Variants in ROBO1 observed in about 807,000 individuals in gnomAD.
ROBO1 encodes roundabout guidance receptor 1, also known as roundabout homolog 1.
ROBO1 carries 149 observed loss-of-function variants against 195.9 expected under a neutral mutation model. That is an observed-to-expected ratio of 0.76 (90% CI 0.67 to 0.87). ROBO1 has a LOEUF of 0.87. Ranked by LOEUF, ROBO1 falls within the 40% of genes least tolerant of loss-of-function variation. The probability of loss-of-function intolerance (pLI) is 0.00; values close to 1 mark genes in which losing one functional copy is unlikely to be tolerated. For missense variants in ROBO1, 1,933 were observed against 2,068.3 expected, an observed-to-expected ratio of 0.93 and a Z score of 1.27; for synonymous variants, 816 against 733.2, an observed-to-expected ratio of 1.11 and a Z score of -1.82.
intron 4 of ROBO1, among the ~76,000 whole-genome samples, chr3:78,832,718 G>A (rs1398707160): frequency 6.6e-6 from 1 of 152,100 alleles, no homozygotes; most frequent in Non-Finnish European, 1.5e-5. Flanking sequence ...GGTTAGGCAG[G>A]AAACTAGGTG....
chr3:79,500,679 G>A (rs1464885410), intron 2 of ROBO1, among the ~76,000 whole-genome samples: 1 of 152,164 alleles, frequency 6.6e-6, no homozygotes, highest in Non-Finnish European at 1.5e-5. Flanking sequence ...AGTTGAGGAG[G>A]ACAGAAAGGA....
intron 4 of ROBO1, among the ~76,000 whole-genome samples, chr3:78,878,570 T>G (rs2035987913): frequency 2.8e-5 from 2 of 70,952 alleles, no homozygotes; most frequent in Admixed American, 2.0e-4. Flanking sequence ...GGCAAAAGAG[T>G]GAAACCCCAT....
At chr3:78,778,569 T>C (rs374467876) in intron 4 of ROBO1, among the ~76,000 whole-genome samples, 5 of 152,090 alleles carry the variant, frequency 3.3e-5, no homozygotes, top group African/African-American at 1.2e-4. Context: ...ACAAGGGACA[T>C]GAAGGACCTC....
At chr3:79,546,159 T>G (rs966794069) in intron 2 of ROBO1, among the ~76,000 whole-genome samples, 1 of 152,136 alleles carries the variant, frequency 6.6e-6, no homozygotes, top group South Asian at 2.1e-4. Flanking sequence ...TAATAGTAAT[T>G]TAATGTATAG....
chr3:79,557,731 A>AAAAAT (rs1942754895), intron 2 of ROBO1, among the ~76,000 whole-genome samples: 1 of 87,810 alleles, frequency 1.1e-5, no homozygotes, highest in Admixed American at 9.9e-5. Flanking sequence ...AGACTGTCTT[A>AAAAAT]AAACAAAAAA....
chr3:79,215,590 C>T (rs533723681), intron 2 of ROBO1, among the ~76,000 whole-genome samples: 3 of 152,304 alleles, frequency 2.0e-5, no homozygotes, highest in African/African-American at 7.2e-5. Flanking sequence ...TATGGTCGTT[C>T]TCCTCAAGGG....
chr3:79,152,077 G>A (rs981208367), intron 2 of ROBO1, among the ~76,000 whole-genome samples: 6 of 151,640 alleles, frequency 4.0e-5, no homozygotes, highest in African/African-American at 1.5e-4. Context: ...TAAGAACAAG[G>A]CTTGTTACCT....
chr3:78,840,856 C>G (rs1176233961), intron 4 of ROBO1, among the ~76,000 whole-genome samples: 1 of 151,534 alleles, frequency 6.6e-6, no homozygotes, highest in East Asian at 1.9e-4. Context: ...GTCAGAAGAT[C>G]GAGACCATCC....
At chr3:79,266,550 T>C (rs114673788) in intron 2 of ROBO1, among the ~76,000 whole-genome samples, 2,905 of 151,628 alleles carry the variant, frequency 0.019, 89 homozygotes, top group African/African-American at 0.065. Context: ...TGTAAGAACA[T>C]AGTTGATGTA....
intron 10 of ROBO1, among the ~76,000 whole-genome samples, chr3:78,672,902 C>T (rs558776311): frequency 1.9e-3 from 289 of 152,148 alleles, no homozygotes; most frequent in Non-Finnish European, 3.3e-3. Flanking sequence ...ACTTTGGAGT[C>T]AGAAAATGTT....
intron 4 of ROBO1, among the ~76,000 whole-genome samples, chr3:78,845,196 T>A (rs557354464): frequency 4.7e-5 from 7 of 149,952 alleles, no homozygotes; most frequent in African/African-American, 1.8e-4. Context: ...TGCACAGGTT[T>A]TAGAGATTTA....
chr3:79,641,820 C>A (rs892867432), intron 1 of ROBO1, among the ~76,000 whole-genome samples: 2 of 151,968 alleles, frequency 1.3e-5, no homozygotes, highest in South Asian at 2.1e-4. Context: ...GGGTTCGAGA[C>A]CAGGCTGGGC....
intron 4 of ROBO1, among the ~76,000 whole-genome samples, chr3:78,896,903 C>T (rs1157986119): frequency 6.6e-6 from 1 of 152,056 alleles, no homozygotes; most frequent in South Asian, 2.1e-4. Flanking sequence ...ACCACTAATC[C>T]TAACAATGAA....
intron 2 of ROBO1, among the ~76,000 whole-genome samples, chr3:79,356,987 T>C (rs1190261960): frequency 6.6e-6 from 1 of 152,156 alleles, no homozygotes; most frequent in African/African-American, 2.4e-5. Flanking sequence ...ATTTCTTTTG[T>C]TGTATATTGA....
chr3:78,637,937 T>C (rs951943551), intron 22 of ROBO1, among the ~76,000 whole-genome samples: 1 of 150,010 alleles, frequency 6.7e-6, no homozygotes, highest in Non-Finnish European at 1.5e-5. Flanking sequence ...AGAGATTCCA[T>C]ACAATAATTT....
rs180717774 is a variant in ROBO1 at position 79,311,919 on chromosome 3, A to G, written c.89-186380T>C. ...AAAAAAGCCACCTAAAAGTGTCTACAGGTCTCTATATCCATCCCAGACCTT... is the reference window on the plus strand; with the variant it reads ...AAAAAAGCCACCTAAAAGTGTCTACGGGTCTCTATATCCATCCCAGACCTT... On this transcript the variant is annotated intron_variant, in intron 2 of 30. Coordinates refer to ENST00000464233, the MANE Select transcript of ROBO1 (RefSeq NM_002941.4). Among the ~76,000 whole-genome samples the G allele has an allele frequency of 9.9e-4, 151 of 152,276 alleles. 1 individual carries two copies. Among genetic ancestry groups the G allele is most frequent in the South Asian group, 2.7e-3 (13 of 4,824 alleles).
chr3:78,964,364 A>C (rs1025887760), intron 3 of ROBO1, among the ~76,000 whole-genome samples: 1 of 152,152 alleles, frequency 6.6e-6, no homozygotes, highest in Non-Finnish European at 1.5e-5. Flanking sequence ...TGTATGGAAA[A>C]CGTGTCTCAA....
intron 2 of ROBO1, among the ~76,000 whole-genome samples, chr3:79,197,427 C>G (rs957939023): frequency 5.3e-5 from 8 of 152,036 alleles, no homozygotes; most frequent in Admixed American, 3.3e-4. Context: ...TTTTCTTTAT[C>G]CAGTCTATCA....
intron 3 of ROBO1, among the ~76,000 whole-genome samples, chr3:78,972,443 A>C (rs934612841): frequency 6.6e-6 from 1 of 152,218 alleles, no homozygotes; most frequent in African/African-American, 2.4e-5. Flanking sequence ...TGATGATATA[A>C]TATTATGACA....
Sources: allele counts gnomAD v4.1 joint callset (sites outside exome capture counted in the v4.1 genomes callset), GRCh38; gene constraint gnomAD v4.1.1; transcripts MANE v1.5; gene names NCBI Gene and HGNC (gene_info 2026-07-23, HGNC 2026-07-21).